The following CCDC73 variants were observed in gnomAD, a reference collection of about 807,000 sequenced individuals.
CCDC73 encodes the protein coiled-coil domain containing 73.
A neutral mutation model predicts 116.5 loss-of-function variants in CCDC73; 95 were observed. That is an observed-to-expected ratio of 0.82 (90% CI 0.69 to 0.97). The LOEUF is 0.97. Among genes scored for constraint, CCDC73 ranks in the 50% least tolerant of loss-of-function variants. The pLI, the probability that CCDC73 is intolerant of heterozygous loss-of-function variation, is 0.00. For missense variants in CCDC73, 1,066 were observed against 1,206.8 expected (o/e 0.88, Z 1.73); for synonymous variants, 398 against 401.3 (o/e 0.99, Z 0.10).
intron 2 of CCDC73, among the ~76,000 whole-genome samples, chr11:32,747,269 G>A (rs1324205188): frequency 6.6e-6 from 1 of 152,204 alleles, no homozygotes; most frequent in African/African-American, 2.4e-5. Flanking sequence ...CTGCAGAACA[G>A]CAAATATTGC....
intron 2 of CCDC73, among the ~76,000 whole-genome samples, chr11:32,757,016 T>TA (rs1850350135): frequency 1.3e-5 from 2 of 152,168 alleles, no homozygotes; most frequent in South Asian, 4.1e-4. Flanking sequence ...ACTGTATTCA[T>TA]AAAAAACAAC....
At chr11:32,806,557 G>A in the CCDC73 span, among the ~76,000 whole-genome samples, 16 of 151,650 alleles carry the variant, frequency 1.1e-4, no homozygotes, top group Admixed American at 2.0e-4. Context: ...CCAGGAGGCG[G>A]AGGTTGCAAT....
At chr11:32,816,277 C>G in the CCDC73 span, among the ~76,000 whole-genome samples, 2 of 152,096 alleles carry the variant, frequency 1.3e-5, no homozygotes, top group African/African-American at 4.8e-5. Context: ...TATCTGAAAC[C>G]ATGGAAATGA....
chr11:32,750,525 ACT>A (rs909264109), intron 2 of CCDC73, among the ~76,000 whole-genome samples: 1 of 152,062 alleles, frequency 6.6e-6, no homozygotes, highest in African/African-American at 2.4e-5. Flanking sequence ...GCTCTATTCC[ACT>A]GTGGCTAAGC....
intron 2 of CCDC73, among the ~76,000 whole-genome samples, chr11:32,723,476 G>A (rs935522819): frequency 3.3e-5 from 5 of 152,152 alleles, no homozygotes; most frequent in Admixed American, 2.6e-4. Flanking sequence ...ACTGAGTTGA[G>A]CAATTTCGTA....
intron 1 of CCDC73, among the ~76,000 whole-genome samples, chr11:32,776,132 T>G (rs1340993863): frequency 6.6e-6 from 1 of 152,146 alleles, no homozygotes; most frequent in Non-Finnish European, 1.5e-5. Context: ...AATCTCTAAA[T>G]GGACCGGTTT....
chr11:32,637,511 A>G (rs1190911714), intron 13 of CCDC73, among the ~76,000 whole-genome samples: 1 of 152,006 alleles, frequency 6.6e-6, no homozygotes, highest in Non-Finnish European at 1.5e-5. Flanking sequence ...TCTGTTCTTG[A>G]AACAGCTTCC....
chr11:32,638,848 C>T (rs1244061398), intron 13 of CCDC73, among the ~76,000 whole-genome samples: 1 of 150,962 alleles, frequency 6.6e-6, no homozygotes, highest in African/African-American at 2.5e-5. Flanking sequence ...GAACCTTATG[C>T]TTAAACCTCA....
intron 14 of CCDC73, among the ~76,000 whole-genome samples, chr11:32,622,499 G>A (rs899159380): frequency 1.3e-5 from 2 of 152,018 alleles, no homozygotes; most frequent in African/African-American, 2.4e-5. Flanking sequence ...ACACACACTG[G>A]GGCCTGTCCG....
intron 7 of CCDC73, chr11:32,681,634 C>A (rs1758355442): frequency 6.6e-6 from 1 of 151,902 alleles, no homozygotes; most frequent in African/African-American, 2.4e-5. Context: ...TCTTTTAGGA[C>A]CCTAACTTTA....
At chr11:32,640,736 G>A (rs1035487380) in intron 13 of CCDC73, among the ~76,000 whole-genome samples, 2 of 152,088 alleles carry the variant, frequency 1.3e-5, no homozygotes, top group Non-Finnish European at 2.9e-5. Flanking sequence ...TGTTAGTTCC[G>A]GCTGGGCGAT....
chr11:32,614,489 G>T lies in CCDC73; in HGVS notation c.1829C>A (p.Thr610Asn). ...PFKQFRLLPG[T>N]REHALEKEIT... ...TTCCTTCTCTAGAGCATGTTCTCGAGTCCCTGGAAGCAATCTGAATTGTTT... is the reference window on the plus strand; with the variant it reads ...TTCCTTCTCTAGAGCATGTTCTCGATTCCCTGGAAGCAATCTGAATTGTTT... The change falls in exon 16 of 18, where the codon ACT becomes AAT. Residue 610 changes from threonine (T) to asparagine (N), a missense_variant. Coordinates refer to ENST00000335185, the MANE Select transcript of CCDC73 (RefSeq NM_001008391.4). 1 of 1,613,276 alleles carries T rather than the reference G, an allele frequency of 6.2e-7. No homozygotes were observed. The highest frequency in any genetic ancestry group is 8.5e-7 in the Non-Finnish European group (1 of 1,179,530).
At chr11:32,706,319 G>C (rs769118396) in intron 3 of CCDC73, among the ~76,000 whole-genome samples, 7 of 152,130 alleles carry the variant, frequency 4.6e-5, no homozygotes, top group Non-Finnish European at 8.8e-5. Context: ...TACAGAACCA[G>C]GGAATTTAAT....
In CCDC73 at chr11:32,630,424, A is replaced by G. The variant is rs541699444; in HGVS notation, c.1185+5272T>C. On this transcript the variant is annotated intron_variant, in intron 14 of 17. Transcript: ENST00000335185. ...CAGTGGTGGATCTCAGCTCACTGCA[A>G]CCTCCACCTCCTGGGTTCAAGTGAT... Among the ~76,000 whole-genome samples, 6 of 152,074 alleles carry G rather than the reference A, an allele frequency of 3.9e-5. No individual in the cohort carries two copies. The South Asian group carries it at 1.3e-3, about 32-fold the overall frequency.
At chr11:32,794,906 C>T (rs1268824029), upstream of CCDC73, among the ~76,000 whole-genome samples, 3 of 151,330 alleles carry the variant, frequency 2.0e-5, no homozygotes, top group Admixed American at 6.6e-5. Context: ...GCTCTGTCGC[C>T]CAGGCTGGAG....
In CCDC73 at chr11:32,619,830, G is replaced by A. The variant is rs564598281; in HGVS notation, c.1186-3701C>T. On this transcript the variant is annotated intron_variant, in intron 14 of 17. Transcript: ENST00000335185. ...AGGAGGTGAAGAAGGAGAAGGAGAA[G>A]AAGAATGAGGAAGAGGAGGAAAAGT... is the stretch of plus-strand genomic sequence containing the variant. 4.6e-5 allele frequency among the ~76,000 whole-genome samples: 6 copies of A among 129,830 alleles called. No homozygotes were observed. In the East Asian group the frequency reaches 1.1e-3, roughly 23 times the overall value. The allele number at this position is 129,830 out of a possible 152,430, so 85.2% of individuals were successfully genotyped here.
At chr11:32,627,989 G>C (rs1385992945) in intron 14 of CCDC73, among the ~76,000 whole-genome samples, 2 of 152,024 alleles carry the variant, frequency 1.3e-5, no homozygotes, top group Admixed American at 1.3e-4. Flanking sequence ...AAAAATATCT[G>C]CTTTAAGGAC....
At chr11:32,685,266 C>CAAAAAAAA (rs35408326) in intron 6 of CCDC73, among the ~76,000 whole-genome samples, 2 of 93,470 alleles carry the variant, frequency 2.1e-5, no homozygotes, top group African/African-American at 4.4e-5. Flanking sequence ...AACACTGGAC[C>CAAAAAAAA]AAAAAAAAAA....
intron 1 of CCDC73, among the ~76,000 whole-genome samples, chr11:32,792,195 G>C (rs1850682823): frequency 6.6e-6 from 1 of 151,966 alleles, no homozygotes; most frequent in African/African-American, 2.4e-5. Flanking sequence ...CCACGGTCTA[G>C]TGCAGTAAAA....
Sources: allele counts gnomAD v4.1 joint callset (sites outside exome capture counted in the v4.1 genomes callset), GRCh38; gene constraint gnomAD v4.1.1; transcripts MANE v1.5; gene names NCBI Gene and HGNC (gene_info 2026-07-23, HGNC 2026-07-21).